The following SNX31 variants were observed in gnomAD, a reference collection of about 807,000 sequenced individuals.
SNX31 encodes sorting nexin-31.
SNX31 carries 58 observed loss-of-function variants against 65.4 expected under a neutral mutation model. The observed-to-expected ratio is 0.89, with a 90% confidence interval of 0.72 to 1.10. SNX31 has a LOEUF of 1.10. SNX31 is among the 50% of genes least tolerant of loss of function. The pLI, the probability that SNX31 is intolerant of heterozygous loss-of-function variation, is 0.00. For missense variants in SNX31, 523 were observed against 529.7 expected (o/e 0.99, Z 0.12); for synonymous variants, 181 against 190.1 (o/e 0.95, Z 0.39).
At chr8:100,616,114 T>C (rs1056374751) in intron 5 of SNX31, among the ~76,000 whole-genome samples, 5 of 152,178 alleles carry the variant, frequency 3.3e-5, no homozygotes, top group African/African-American at 7.2e-5. Flanking sequence ...TAAAATATTG[T>C]ATCATAAACT....
In SNX31 at chr8:100,604,694, C is replaced by T. The variant is rs1815975671; in HGVS notation, c.681+3800G>A. ...TTACTTATAGTTTTAAATGCAATCT[C>T]TCATTTTTAAACTCAGGTTAAAAGA... On this transcript the variant is annotated intron_variant, in intron 8 of 13. Coordinates refer to ENST00000311812, the MANE Select transcript of SNX31 (RefSeq NM_152628.4). The surrounding 1 kb of genome is among the most constrained non-coding windows in gnomAD (Gnocchi z 4.3). Among the ~76,000 whole-genome samples the T allele has an allele frequency of 5.3e-5, 8 of 152,230 alleles. No homozygotes were observed. The highest frequency in any genetic ancestry group is 5.2e-4 in the Admixed American group (8 of 15,292).
In SNX31 at chr8:100,612,135, G is replaced by T; in HGVS notation, c.524-48C>A. ...CTTACTGGTTGAAACAGCACAGACA[G>T]CTTATATATAGCAGCTTTCAAATGA... On this transcript the variant is annotated intron_variant, in intron 6 of 13. Coordinates refer to ENST00000311812, the MANE Select transcript of SNX31 (RefSeq NM_152628.4). The surrounding 1 kb of genome is among the most constrained non-coding windows in gnomAD (Gnocchi z 4.3). 1 of 1,200,788 alleles carries T rather than the reference G, an allele frequency of 8.3e-7. No homozygotes were observed. The allele number at this position is 1,200,788 out of a possible 1,614,324, so 74.4% of individuals were successfully genotyped here.
At chr8:100,606,833 T>C (rs1336406034) in intron 8 of SNX31, among the ~76,000 whole-genome samples, 1 of 152,190 alleles carries the variant, frequency 6.6e-6, no homozygotes, top group Non-Finnish European at 1.5e-5. Flanking sequence ...CCTGAAAGTG[T>C]GGATGGTACC....
In SNX31 at chr8:100,635,754, C is replaced by T. The variant is rs934186036; in HGVS notation, c.256+143G>A. 8.2e-6 allele frequency: 5 copies of T among 606,528 alleles called. No individual in the cohort carries two copies. The African/African-American group carries it at 9.4e-5, about 11-fold the overall frequency. The allele number at this position is 606,528 out of a possible 1,614,324, so 37.6% of individuals were successfully genotyped here. On this transcript the variant is annotated intron_variant, in intron 3 of 13. Coordinates refer to ENST00000311812, the MANE Select transcript of SNX31 (RefSeq NM_152628.4). Reference sequence around the variant, plus strand: ...TTCTTTTGGGGGTAGTGACAATATTCTAAAATTAGATTACGGTAATGGTCG... The same window carrying T: ...TTCTTTTGGGGGTAGTGACAATATTTTAAAATTAGATTACGGTAATGGTCG...
chr8:100,618,278 G>C, intron 4 of SNX31: 1 of 1,507,756 alleles, frequency 6.6e-7, no homozygotes, highest in South Asian at 1.2e-5. Context: ...CTATATTGGA[G>C]AAAACAGCTT....
At chr8:100,618,622 C>T in intron 4 of SNX31, 15 of 521,526 alleles carry the variant, frequency 2.9e-5, no homozygotes, top group Middle Eastern at 1.0e-3. Context: ...ACTACAAATT[C>T]TGGTTTCCAT....
intron 3 of SNX31, among the ~76,000 whole-genome samples, chr8:100,631,087 C>T (rs1005432693): frequency 3.9e-5 from 6 of 151,970 alleles, no homozygotes; most frequent in Non-Finnish European, 5.9e-5. Flanking sequence ...AGCACCCGGC[C>T]GAGAGCACCC....
intron 3 of SNX31, among the ~76,000 whole-genome samples, chr8:100,632,147 A>G (rs1161582287): frequency 6.6e-6 from 1 of 152,158 alleles, no homozygotes; most frequent in Non-Finnish European, 1.5e-5. Context: ...CATGAGGCTA[A>G]GCTGTACTGT....
chr8:100,638,641 T>C (rs1818942647), intron 2 of SNX31, among the ~76,000 whole-genome samples: 1 of 152,228 alleles, frequency 6.6e-6, no homozygotes, highest in Admixed American at 6.5e-5. Context: ...GAATACAGAA[T>C]ATTACAACCA....
chr8:100,616,229 T>C (rs1431080775), intron 5 of SNX31, among the ~76,000 whole-genome samples: 1 of 152,154 alleles, frequency 6.6e-6, no homozygotes, highest in Non-Finnish European at 1.5e-5. Flanking sequence ...ACCCAGAAGA[T>C]AGGAGACCCC....
intron 1 of SNX31, among the ~76,000 whole-genome samples, chr8:100,659,275 G>A (rs1809729520): frequency 6.6e-6 from 1 of 151,138 alleles, no homozygotes; most frequent in Admixed American, 6.6e-5. Flanking sequence ...GAACCCAGGA[G>A]GCGGAGGTTG....
intron 3 of SNX31, among the ~76,000 whole-genome samples, chr8:100,633,976 C>T (rs1818579912): frequency 6.6e-6 from 1 of 152,104 alleles, no homozygotes; most frequent in African/African-American, 2.4e-5. Context: ...CAAATTGCTG[C>T]TAGGTAATAT....
intron 2 of SNX31, among the ~76,000 whole-genome samples, chr8:100,647,761 C>T (rs910643119): frequency 6.6e-6 from 1 of 152,126 alleles, no homozygotes; most frequent in African/African-American, 2.4e-5. Flanking sequence ...TGCTCCTGCC[C>T]CTTCCCCACC....
In SNX31 at chr8:100,609,588, G is replaced by A. The variant is rs112493803; in HGVS notation, c.612-1025C>T. On this transcript the variant is annotated intron_variant, in intron 7 of 13. Transcript: ENST00000311812. The surrounding 1 kb of genome is among the most constrained non-coding windows in gnomAD (Gnocchi z 4.9). ...GAAGGGACTGAAACTGTCAGGAAAG[G>A]GTACCTATGGCTGATCTCTACCAAC... is the stretch of plus-strand genomic sequence containing the variant. 1.3e-5 allele frequency among the ~76,000 whole-genome samples: 2 copies of A among 152,226 alleles called. No individual in the cohort carries two copies. The highest frequency in any genetic ancestry group is 6.5e-5 in the Admixed American group (1 of 15,278).
intron 12 of SNX31, among the ~76,000 whole-genome samples, chr8:100,577,776 T>C (rs1478088694): frequency 6.6e-6 from 1 of 152,108 alleles, no homozygotes; most frequent in Non-Finnish European, 1.5e-5. Flanking sequence ...GAGGAGAGAT[T>C]GCCTGACGGG....
At chr8:100,611,019 G>A (rs889334948) in intron 7 of SNX31, among the ~76,000 whole-genome samples, 3 of 152,246 alleles carry the variant, frequency 2.0e-5, no homozygotes, top group Middle Eastern at 3.4e-3. Context: ...GCTGCTCAGC[G>A]CTATTTTCTA....
chr8:100,589,706 G>T (rs1814398495), intron 10 of SNX31, among the ~76,000 whole-genome samples: 1 of 152,214 alleles, frequency 6.6e-6, no homozygotes, highest in Non-Finnish European at 1.5e-5. Flanking sequence ...AGGCTCCAAG[G>T]CATGGAGGGT....
At chr8:100,585,676 C>T (rs554263450) in intron 11 of SNX31, among the ~76,000 whole-genome samples, 1 of 152,218 alleles carries the variant, frequency 6.6e-6, no homozygotes, top group East Asian at 1.9e-4. Context: ...AGAACTAGCC[C>T]TGTTTATATG....
chr8:100,627,874 A>G (rs1818149932), intron 4 of SNX31, among the ~76,000 whole-genome samples: 1 of 152,166 alleles, frequency 6.6e-6, no homozygotes, highest in South Asian at 2.1e-4. Flanking sequence ...ATCTACAATG[A>G]ACTCAAACAA....
Sources: gnomAD v4.1 joint callset for allele counts (sites outside exome capture counted in the v4.1 genomes callset) on GRCh38, gnomAD v4.1.1 for gene constraint, Gnocchi (gnomAD v3.1) non-coding constraint, MANE v1.5 for transcripts, NCBI Gene and HGNC (gene_info 2026-07-23, HGNC 2026-07-21) for gene names.